LMO2: variants seen among roughly 807,000 people sequenced by gnomAD.
The protein encoded by LMO2 is LIM domain only 2, also known as rhombotin-2.
Under a neutral mutation model 23.2 loss-of-function variants are expected in LMO2, and 20 were observed. That is an observed-to-expected ratio of 0.86 (90% CI 0.61 to 1.25). The LOEUF (loss-of-function observed/expected upper bound fraction) is 1.25, where lower values mean the gene tolerates loss of function less well. Among genes scored for constraint, LMO2 ranks in the 50% most tolerant of loss-of-function variants. LMO2 has a pLI of 0.00. For synonymous variants in LMO2, 123 were observed against 130.2 expected, an observed-to-expected ratio of 0.94 and a Z score of 0.38; for missense variants, 270 against 315.3, an observed-to-expected ratio of 0.86 and a Z score of 1.09.
At chr11:33,882,306 G>A (rs1590654534) in intron 1 of LMO2, among the ~76,000 whole-genome samples, 1 of 152,198 alleles carries the variant, frequency 6.6e-6, no homozygotes, top group South Asian at 2.1e-4. Flanking sequence ...GTCTGTATCT[G>A]CAACTGTTTG....
At chr11:33,861,322 G>A (rs755860807) in intron 5 of LMO2, among the ~76,000 whole-genome samples, 7 of 152,196 alleles carry the variant, frequency 4.6e-5, no homozygotes, top group Admixed American at 6.5e-5. Context: ...GAGAATCAGT[G>A]GGTACATTCT....
Position 33,864,660 on chromosome 11 carries a change from C to A in LMO2, c.406G>T (p.Val136Leu). 1 of 1,613,970 alleles carries A rather than the reference C, an allele frequency of 6.2e-7. No individual in the cohort carries two copies. Among genetic ancestry groups the A allele is most frequent in the Non-Finnish European group, 8.5e-7 (1 of 1,180,042 alleles). ...CDLCGCRLGE[V>L]GRRLYYKLGR... ...AGTTTGTAGTAGAGGCGCCGCCCCA[C>A]CTCACCCAGCCGGCAGCCACAGAGG... is the stretch of plus-strand genomic sequence containing the variant. Residue 136 changes from valine (V) to leucine (L), a missense_variant, in exon 5 of 6, where the codon GTG becomes TTG. Val to Leu is a conservative substitution (Grantham distance 32). Around this residue, in one of 2 missense-constraint regions of LMO2, gnomAD observed 100 missense variants for 153.3 expected, o/e 0.65. Coordinates refer to ENST00000257818, the MANE Select transcript of LMO2 (RefSeq NM_005574.4). The surrounding 1 kb of genome is among the most constrained non-coding windows in gnomAD (Gnocchi z 4.8).
At position 33,864,501 on chromosome 11, in the gene LMO2, C is replaced by T. The variant is rs191080205; in HGVS notation, c.464+101G>A. ...CTGACCTCTTTCTATAGGTGGTGTC[C>T]GAGCCTGGAGCAGGGTAAGGGGCAA... is the stretch of plus-strand genomic sequence containing the variant. On this transcript the variant is annotated intron_variant, in intron 5 of 5. Transcript: ENST00000257818. The surrounding 1 kb of genome is among the most constrained non-coding windows in gnomAD (Gnocchi z 4.8). The T allele has an allele frequency of 6.7e-5, 63 of 933,980 alleles. No individual in the cohort carries two copies. In the Admixed American group the frequency reaches 7.8e-4, roughly 11 times the overall value. The allele number at this position is 933,980 out of a possible 1,614,324, so 57.9% of individuals were successfully genotyped here. A position where few individuals can be genotyped will look rare whatever the true frequency, so the allele number is the denominator to read the frequency against.
chr11:33,879,653 T>C (rs901573860), intron 2 of LMO2, among the ~76,000 whole-genome samples: 3 of 151,964 alleles, frequency 2.0e-5, no homozygotes, highest in Non-Finnish European at 4.4e-5. Context: ...CAAGACAAGC[T>C]CTGTCTGGAT....
At chr11:33,870,247 C>T (rs1394877469) in intron 2 of LMO2, 1 of 626,542 alleles carries the variant, frequency 1.6e-6, no homozygotes, top group Non-Finnish European at 2.0e-6. Flanking sequence ...AGGGCTTCCC[C>T]TCTTCCGCCT....
chr11:33,876,332 T>A (rs1162731266), intron 2 of LMO2, among the ~76,000 whole-genome samples: 1 of 152,146 alleles, frequency 6.6e-6, no homozygotes, highest in Non-Finnish European at 1.5e-5. Flanking sequence ...TCTGTGAGGG[T>A]GGAAACTCTT....
intron 4 of LMO2, chr11:33,865,178 T>G (rs1856738149): frequency 5.8e-6 from 2 of 342,226 alleles, no homozygotes; most frequent in South Asian, 5.1e-5. Context: ...TTCACAGATC[T>G]CCCTCATTTT....
chr11:33,886,957 A>T (rs1857425129), intron 1 of LMO2, among the ~76,000 whole-genome samples: 1 of 152,276 alleles, frequency 6.6e-6, no homozygotes, highest in Admixed American at 6.5e-5. Context: ...ATCCATAGCC[A>T]GCAGGTCCCA....
Position 33,869,628 on chromosome 11 carries a change from G to T in LMO2, c.8-42C>A, listed in dbSNP as rs1238954445. On this transcript the variant is annotated intron_variant, in intron 3 of 5. Coordinates refer to ENST00000257818, the MANE Select transcript of LMO2 (RefSeq NM_005574.4). ...GAGAGAGCGAATCACCGGGCTGCGG[G>T]CGCGCCGCGGCCGAGGCGGGGGCCG... is the stretch of plus-strand genomic sequence containing the variant. 1.6e-6 allele frequency: 2 copies of T among 1,259,748 alleles called. 1 individual carries two copies. Among genetic ancestry groups the T allele is most frequent in the Non-Finnish European group, 2.0e-6 (2 of 993,816 alleles). The allele number at this position is 1,259,748 out of a possible 1,614,324, so 78.0% of individuals were successfully genotyped here. A position where few individuals can be genotyped will look rare whatever the true frequency, so the allele number is the denominator to read the frequency against.
chr11:33,864,835 C>T lies in LMO2; in HGVS notation c.249-18G>A. 1.9e-6 allele frequency: 3 copies of T among 1,609,120 alleles called. No individual in the cohort carries two copies. The highest frequency in any genetic ancestry group is 8.5e-7 in the Non-Finnish European group (1 of 1,177,164). Reference sequence around the variant, plus strand: ...CTGGTTCCCTGGAGAGAAGGCCAAGCATCAGGGACAGCCTCACCAGAGTGA... The same window carrying T: ...CTGGTTCCCTGGAGAGAAGGCCAAGTATCAGGGACAGCCTCACCAGAGTGA... On this transcript the variant is annotated intron_variant, in intron 4 of 5. Transcript: ENST00000257818. This position sits in a 1 kb window ranked among gnomAD's most constrained non-coding sequence, Gnocchi z 4.8.
At chr11:33,872,061 C>T (rs1472148875) in intron 2 of LMO2, among the ~76,000 whole-genome samples, 2 of 152,088 alleles carry the variant, frequency 1.3e-5, no homozygotes, top group Non-Finnish European at 2.9e-5. Flanking sequence ...GAGGCCGAGG[C>T]GGGTGGATCA....
rs1313935803 is a variant in LMO2 at position 33,864,794 on chromosome 11, T to C, written c.272A>G (p.Gln91Arg). Residue 91 changes from glutamine (Q) to arginine (R), a missense_variant, in exon 5 of 6, where the codon CAG (glutamine) becomes CGG (arginine). Gln to Arg is a conservative substitution (Grantham distance 43). Coordinates refer to ENST00000257818, the MANE Select transcript of LMO2 (RefSeq NM_005574.4). The surrounding 1 kb of genome is among the most constrained non-coding windows in gnomAD (Gnocchi z 4.8). ...GCATGTCAGCAGGGATGGGGGGATC[T>C]GCAGCACCTCATCCACTGGTTCCCT... ...PSEEPVDEVL[Q>R]IPPSLLTCGG... 1 of 1,613,680 alleles carries C rather than the reference T, an allele frequency of 6.2e-7. No homozygotes were observed. The highest frequency in any genetic ancestry group is 8.5e-7 in the Non-Finnish European group (1 of 1,180,024).
At chr11:33,872,906 C>T (rs538167601) in intron 2 of LMO2, among the ~76,000 whole-genome samples, 3 of 152,176 alleles carry the variant, frequency 2.0e-5, no homozygotes, top group African/African-American at 4.8e-5. Flanking sequence ...GGATTACAGG[C>T]GCTCGCCACC....
chr11:33,871,310 G>T (rs146961280), intron 2 of LMO2, among the ~76,000 whole-genome samples: 47 of 151,456 alleles, frequency 3.1e-4, no homozygotes, highest in South Asian at 6.3e-4. Context: ...AGACTTTTTC[G>T]GCTGTGCTCG....
rs1857228554 is a variant in LMO2 at position 33,880,152 on chromosome 11, C to T, written c.-272+1672G>A. 2.6e-5 allele frequency among the ~76,000 whole-genome samples: 1 copy of T among 38,056 alleles called. No individual in the cohort carries two copies. The highest frequency in any genetic ancestry group is 5.0e-5 in the Non-Finnish European group (1 of 19,868). 25.0% of individuals were successfully genotyped at this position (38,056 alleles called of 152,430 possible). On this transcript the variant is annotated intron_variant, in intron 2 of 5. Transcript: ENST00000257818. The surrounding 1 kb of genome is among the most constrained non-coding windows in gnomAD (Gnocchi z 4.3). ...ATATACGCATACTATTTTATGTGTACATATATATACATATGATATATACAC... is the reference window on the plus strand; with the variant it reads ...ATATACGCATACTATTTTATGTGTATATATATATACATATGATATATACAC...
In LMO2 at chr11:33,859,472, T is replaced by G. The variant is rs775684671; in HGVS notation, c.568A>C (p.Lys190Gln). The G allele has an allele frequency of 1.2e-6, 2 of 1,614,090 alleles. No homozygotes were observed. The highest frequency in any genetic ancestry group is 2.2e-5 in the South Asian group (2 of 91,086). The change falls in exon 6 of 6, where the codon AAA becomes CAA. Residue 190 changes from lysine (K) to glutamine (Q), a missense_variant. By Grantham distance (53) the Lys-to-Gln change is moderately conservative (BLOSUM62 1). Transcript: ENST00000257818. Reference protein sequence around the residue: ...KDKVYHLECFKCAACQKHFCV... With the variant: ...KDKVYHLECFQCAACQKHFCV... ...AAATGCTTCTGACAGGCGGCGCATT[T>G]GAAACATTCCAGGTGATACACTTTG...
chr11:33,869,386 T>C lies in LMO2; in HGVS notation c.208A>G (p.Met70Val), dbSNP rs1856917593. 11 of 1,208,452 alleles carry C rather than the reference T, an allele frequency of 9.1e-6. No homozygotes were observed. The highest frequency in any genetic ancestry group is 9.3e-6 in the Non-Finnish European group (9 of 966,186). The allele number at this position is 1,208,452 out of a possible 1,614,324, so 74.9% of individuals were successfully genotyped here. ...PPPGTPPPSP[M>V]SSAIERKSLD... ...CTCTTCCTTTCGATGGCCGAGGACA[T>C]TGGGGAGGGAGGCGGGGTGCCGGGC... Residue 70 changes from methionine to valine, a missense_variant, in exon 4 of 6, where the codon ATG becomes GTG. By Grantham distance (21) the Met-to-Val change is conservative. Around this residue, in one of 2 missense-constraint regions of LMO2, gnomAD observed 170 missense variants for 162.0 expected, o/e 1.05. Coordinates refer to ENST00000257818, the MANE Select transcript of LMO2 (RefSeq NM_005574.4).
At chr11:33,863,302 A>G (rs970288248) in intron 5 of LMO2, among the ~76,000 whole-genome samples, 1 of 152,232 alleles carries the variant, frequency 6.6e-6, no homozygotes, top group Non-Finnish European at 1.5e-5. Flanking sequence ...CGGAACCACC[A>G]TATCTGCAAG....
rs759196056 is a variant in LMO2 at position 33,864,407 on chromosome 11, C to T, written c.464+195G>A. Among the ~76,000 whole-genome samples the T allele has an allele frequency of 1.3e-5, 2 of 152,232 alleles. No individual in the cohort carries two copies. The highest frequency in any genetic ancestry group is 2.9e-5 in the Non-Finnish European group (2 of 68,032). On this transcript the variant is annotated intron_variant, in intron 5 of 5. Coordinates refer to ENST00000257818, the MANE Select transcript of LMO2 (RefSeq NM_005574.4). The surrounding 1 kb of genome is among the most constrained non-coding windows in gnomAD (Gnocchi z 4.8). Reference sequence around the variant, plus strand: ...CCACATAGGAACGTAACCCTGAGAACATGCTTCTCAAACAGGAAGAAATGC... The same window carrying T: ...CCACATAGGAACGTAACCCTGAGAATATGCTTCTCAAACAGGAAGAAATGC...
Sources: gnomAD v4.1 joint callset for allele counts (sites outside exome capture counted in the v4.1 genomes callset) on GRCh38, gnomAD v4.1.1 for gene constraint, gnomAD v4.1.1 regional missense constraint, Gnocchi (gnomAD v3.1) non-coding constraint, MANE v1.5 for transcripts, NCBI Gene and HGNC (gene_info 2026-07-23, HGNC 2026-07-21) for gene names.